AFF4: variants seen among roughly 807,000 people sequenced by gnomAD.
AFF4 encodes the protein ALF transcription elongation factor 4.
AFF4 carries 13 observed loss-of-function variants against 124.8 expected under a neutral mutation model. That is an observed-to-expected ratio of 0.10 (90% CI 0.07 to 0.17). The LOEUF (loss-of-function observed/expected upper bound fraction) is 0.17. Ranked by LOEUF, AFF4 falls within the 10% of genes least tolerant of loss-of-function variation. The probability of loss-of-function intolerance (pLI) is 1.00; values close to 1 mark genes in which losing one functional copy is unlikely to be tolerated. For missense variants in AFF4, 1,092 were observed against 1,403.8 expected, an observed-to-expected ratio of 0.78 and a Z score of 3.55; for synonymous variants, 477 against 496.1, an observed-to-expected ratio of 0.96 and a Z score of 0.51.
Position 132,958,014 on chromosome 5 carries a change from AAAC to A in AFF4, c.-5+5242_-5+5244del, listed in dbSNP as rs1219931198. Among the ~76,000 whole-genome samples the A allele has an allele frequency of 2.6e-5, 4 of 152,194 alleles. No homozygotes were observed. In the East Asian group the frequency reaches 7.7e-4, roughly 29 times the overall value. ...GGATCCTAATTCACAAAAATTGTAAAAACAATACAAAAACTATAATCAGGGAAA... is the reference window on the plus strand; with the variant it reads ...GGATCCTAATTCACAAAAATTGTAAAAATACAAAAACTATAATCAGGGAAA... On this transcript the variant is annotated intron_variant, in intron 1 of 20. Coordinates refer to ENST00000265343, the MANE Select transcript of AFF4 (RefSeq NM_014423.4).
chr5:132,941,989 A>G (rs1397414104), intron 1 of AFF4, among the ~76,000 whole-genome samples: 1 of 151,492 alleles, frequency 6.6e-6, no homozygotes. Context: ...CCCGGGGAAC[A>G]GAGCAAGACT....
Position 132,896,908 on chromosome 5 carries a change from AGCT to A in AFF4, c.1719_1721del (p.Ala575del). 1.2e-6 allele frequency: 2 copies of A among 1,614,148 alleles called. No individual in the cohort carries two copies. The highest frequency in any genetic ancestry group is 1.7e-6 in the Non-Finnish European group (2 of 1,180,016). On this transcript the variant is annotated inframe_deletion, in exon 11 of 21. Transcript: ENST00000265343. ...TCAGGCCTCCACGAGGCTCTTCAGC[AGCT>A]GCCTTCTCAGCCTTTTTGGGTTGTT...
intron 11 of AFF4, among the ~76,000 whole-genome samples, chr5:132,895,479 T>C (rs1218518930): frequency 6.6e-6 from 1 of 152,222 alleles, no homozygotes; most frequent in African/African-American, 2.4e-5. Flanking sequence ...TAAGTTTACT[T>C]ACTTGGTAAG....
At chr5:132,949,985 T>C (rs1047533850) in intron 1 of AFF4, among the ~76,000 whole-genome samples, 14 of 151,986 alleles carry the variant, frequency 9.2e-5, no homozygotes, top group African/African-American at 3.1e-4. Flanking sequence ...TTTGTGCCAC[T>C]GCACTCCAGC....
intron 1 of AFF4, chr5:132,943,009 C>T (rs1052513625): frequency 1.4e-5 from 3 of 214,798 alleles, no homozygotes; most frequent in African/African-American, 2.3e-5. Context: ...AGGGTGGTGG[C>T]ACTGATGACA....
intron 5 of AFF4, among the ~76,000 whole-genome samples, chr5:132,909,666 C>T (rs1199451911): frequency 1.3e-5 from 2 of 148,776 alleles, no homozygotes; most frequent in Admixed American, 6.7e-5. Flanking sequence ...TTCAGATTCA[C>T]TCCTCATTTC....
intron 17 of AFF4, among the ~76,000 whole-genome samples, chr5:132,886,994 T>G (rs1361301588): frequency 1.3e-5 from 2 of 152,208 alleles, no homozygotes; most frequent in African/African-American, 2.4e-5. Flanking sequence ...CATATGGACT[T>G]GTATGATGAT....
chr5:132,942,781 T>A (rs1415343805), intron 1 of AFF4, among the ~76,000 whole-genome samples: 1 of 152,168 alleles, frequency 6.6e-6, no homozygotes, highest in African/African-American at 2.4e-5. Context: ...ATATTATTAA[T>A]CCTGCCACTT....
chr5:132,917,900 A>G (rs1042910009), intron 5 of AFF4, among the ~76,000 whole-genome samples: 2 of 149,306 alleles, frequency 1.3e-5, no homozygotes, highest in African/African-American at 4.9e-5. Context: ...TTTTTAGCAG[A>G]GATGGGGTTT....
Position 132,886,402 on chromosome 5 carries a change from G to T in AFF4, c.3007C>A (p.Leu1003Met), listed in dbSNP as rs1482277264. ...AGGTACAGCAAAGACTCGCATCGCA[G>T]GCTAGCCAATGGAAAAGGGCGGCTT... ...AADKRLTVLC[L>M]RCESLLYLRL... Residue 1003 changes from leucine to methionine, a missense_variant and splice_region_variant, in exon 18 of 21, where the codon CTG (leucine) becomes ATG (methionine). Coordinates refer to ENST00000265343, the MANE Select transcript of AFF4 (RefSeq NM_014423.4). The T allele has an allele frequency of 6.2e-7, 1 of 1,613,680 alleles. No homozygotes were observed. Among genetic ancestry groups the T allele is most frequent in the Admixed American group, 1.7e-5 (1 of 59,896 alleles).
chr5:132,917,551 A>C (rs1760939729), intron 5 of AFF4, among the ~76,000 whole-genome samples: 1 of 152,188 alleles, frequency 6.6e-6, no homozygotes, highest in South Asian at 2.1e-4. Flanking sequence ...TAAGGCATCC[A>C]TTTGAAACAA....
At chr5:132,929,954 A>G (rs995599177) in intron 4 of AFF4, among the ~76,000 whole-genome samples, 3 of 152,210 alleles carry the variant, frequency 2.0e-5, no homozygotes, top group African/African-American at 4.8e-5. Flanking sequence ...AGGAATGGAT[A>G]TTTAAAAAGC....
chr5:132,892,701 C>T (rs1418116470), intron 12 of AFF4, among the ~76,000 whole-genome samples: 1 of 152,096 alleles, frequency 6.6e-6, no homozygotes, highest in Non-Finnish European at 1.5e-5. Context: ...AAGAGATTAC[C>T]ACTTTTAAGT....
At chr5:132,908,313 A>G (rs1366282925) in intron 5 of AFF4, among the ~76,000 whole-genome samples, 1 of 152,208 alleles carries the variant, frequency 6.6e-6, no homozygotes, top group Admixed American at 6.5e-5. Flanking sequence ...TTTCTTACAC[A>G]CAAAAATATA....
chr5:132,890,280 A>G (rs943662125), intron 13 of AFF4, among the ~76,000 whole-genome samples: 3 of 151,432 alleles, frequency 2.0e-5, no homozygotes, highest in East Asian at 3.9e-4. Context: ...TTATTTATTT[A>G]TTTGTTTGAG....
intron 5 of AFF4, among the ~76,000 whole-genome samples, chr5:132,907,640 A>G (rs934055695): frequency 6.6e-6 from 1 of 152,058 alleles, no homozygotes; most frequent in African/African-American, 2.4e-5. Flanking sequence ...GTGTGTGTGT[A>G]TGATCTAGCC....
intron 5 of AFF4, among the ~76,000 whole-genome samples, chr5:132,914,919 C>G (rs1317169374): frequency 6.6e-6 from 1 of 152,150 alleles, no homozygotes; most frequent in African/African-American, 2.4e-5. Context: ...AACGAAAGAT[C>G]ATTCAAGGAG....
chr5:132,937,982 C>G (rs965592941), intron 1 of AFF4, among the ~76,000 whole-genome samples: 2 of 152,200 alleles, frequency 1.3e-5, no homozygotes, highest in South Asian at 2.1e-4. Flanking sequence ...CAATTTATAG[C>G]AGCAAGGATT....
rs1256533160 is a variant in AFF4 at position 132,877,038 on chromosome 5, CTGAAA to C, written c.*4016_*4020del. 1.0e-5 allele frequency: 2 copies of C among 199,398 alleles called. No homozygotes were observed. The highest frequency in any genetic ancestry group is 4.6e-5 in the African/African-American group (2 of 43,436). The allele number at this position is 199,398 out of a possible 1,614,324, so 12.4% of individuals were successfully genotyped here. ...CTCTTCAATACATTAATGCATAAAG[CTGAAA>C]TGAAATTTATGTTCCATGTATTAGG... is the stretch of plus-strand genomic sequence containing the variant. On this transcript the variant is annotated 3_prime_UTR_variant, in exon 21 of 21. Coordinates refer to ENST00000265343, the MANE Select transcript of AFF4 (RefSeq NM_014423.4).
Sources: gnomAD v4.1 joint callset for allele counts (sites outside exome capture counted in the v4.1 genomes callset) on GRCh38, gnomAD v4.1.1 for gene constraint, MANE v1.5 for transcripts, NCBI Gene and HGNC (gene_info 2026-07-23, HGNC 2026-07-21) for gene names.